Variants in KLHL14 observed in about 807,000 individuals in gnomAD.
KLHL14 encodes the protein kelch-like protein 14.
A neutral mutation model predicts 64.3 loss-of-function variants in KLHL14; 22 were observed. That is an observed-to-expected ratio of 0.34 (90% CI 0.24 to 0.49). The LOEUF (loss-of-function observed/expected upper bound fraction) is 0.49, where lower values mean the gene tolerates loss of function less well. Among genes scored for constraint, KLHL14 ranks in the 20% least tolerant of loss-of-function variants. KLHL14 has a pLI of 0.99. For synonymous variants in KLHL14, 322 were observed against 333.4 expected, an observed-to-expected ratio of 0.97 and a Z score of 0.37; for missense variants, 661 against 789.0, an observed-to-expected ratio of 0.84 and a Z score of 1.94.
At position 32,681,077 on chromosome 18, in the gene KLHL14, C is replaced by CT. The variant is rs139171317; in HGVS notation, c.1239-479dup. ...CATCAAAAATTTTCTTCAATTATCA[C>CT]TTTTTTTACCCTTAGTACTACTACT... is the stretch of plus-strand genomic sequence containing the variant. On this transcript the variant is annotated intron_variant, in intron 5 of 8. Coordinates refer to ENST00000359358, the MANE Select transcript of KLHL14 (RefSeq NM_020805.3). Among the ~76,000 whole-genome samples the CT allele has an allele frequency of 6.2e-3, 949 of 152,176 alleles. 11 individuals carry two copies. Among genetic ancestry groups the CT allele is most frequent in the African/African-American group, 0.021 (882 of 41,524 alleles).
chr18:32,722,227 A>G (rs1000255492), intron 3 of KLHL14, among the ~76,000 whole-genome samples: 1 of 152,204 alleles, frequency 6.6e-6, no homozygotes, highest in Non-Finnish European at 1.5e-5. Flanking sequence ...TGTCTCTATT[A>G]GCAGGGTGAG....
chr18:32,699,606 C>T (rs577097263), intron 3 of KLHL14, among the ~76,000 whole-genome samples: 14 of 152,252 alleles, frequency 9.2e-5, no homozygotes, highest in African/African-American at 3.1e-4. Flanking sequence ...CCCCAACTCA[C>T]GCTCTTATCC....
chr18:32,770,314 G>A lies in KLHL14; in HGVS notation c.278C>T (p.Ser93Leu). The A allele has an allele frequency of 6.3e-7, 1 of 1,586,558 alleles. No homozygotes were observed. Among genetic ancestry groups the A allele is most frequent in the Non-Finnish European group, 8.6e-7 (1 of 1,166,582 alleles). The change falls in exon 2 of 9, where the codon TCA becomes TTA. Residue 93 changes from serine (S) to leucine (L), a missense_variant. This residue lies in a region of KLHL14 where 331 missense variants were observed against 339.0 expected (regional missense o/e 0.98). Transcript: ENST00000359358. This position sits in a 1 kb window ranked among gnomAD's most constrained non-coding sequence, Gnocchi z 6.7. ...DQQQPPQQQP[S>L]QQQQPPPQEE... ...CTGCGGCGGCGGCTGCTGCTGCTGT[G>A]ACGGCTGCTGCTGCGGCGGCTGCTG...
chr18:32,696,720 C>T (rs2049938546), intron 3 of KLHL14, among the ~76,000 whole-genome samples: 1 of 152,174 alleles, frequency 6.6e-6, no homozygotes, highest in Non-Finnish European at 1.5e-5. Flanking sequence ...CTATCTCACG[C>T]CTGACTTATT....
intron 2 of KLHL14, among the ~76,000 whole-genome samples, chr18:32,760,333 C>G (rs537124166): frequency 2.9e-5 from 3 of 102,592 alleles, no homozygotes; most frequent in East Asian, 2.8e-4. Flanking sequence ...TGTGTACACA[C>G]AGACATACAC....
In KLHL14 at chr18:32,715,547, T is replaced by C. The variant is rs541926327; in HGVS notation, c.1070-19995A>G. Among the ~76,000 whole-genome samples the C allele has an allele frequency of 7.9e-4, 121 of 152,252 alleles. 1 individual carries two copies. Among genetic ancestry groups the C allele is most frequent in the African/African-American group, 2.8e-3 (116 of 41,564 alleles). On this transcript the variant is annotated intron_variant, in intron 3 of 8. Transcript: ENST00000359358. ...TAGCTTCAACCTATCCTTTACTTTA[T>C]TGAATTCACTTTTTTATATAATAAA...
At chr18:32,695,330 C>A (rs891180820) in intron 4 of KLHL14, 133 bp downstream of exon 4, 1 of 657,950 alleles carries the variant, frequency 1.5e-6, no homozygotes, top group South Asian at 1.8e-5. Context: ...TCAGCCCCAT[C>A]TCCTTACTAC....
Position 32,770,418 on chromosome 18 carries a change from G to A in KLHL14, c.174C>T (p.Phe58=). The A allele has an allele frequency of 1.9e-6, 3 of 1,608,186 alleles. No homozygotes were observed. Among genetic ancestry groups the A allele is most frequent in the Non-Finnish European group, 2.5e-6 (3 of 1,177,108 alleles). The change falls in exon 2 of 9, where the codon TTC becomes TTT. Residue 58 remains phenylalanine, a synonymous_variant. Transcript: ENST00000359358. The surrounding 1 kb of genome is among the most constrained non-coding windows in gnomAD (Gnocchi z 6.7). ...KAVLASCSQY[F]RSLFSSHPPL... Reference sequence around the variant, plus strand: ...GGGGGTGGCTGGAGAAGAGCGATCGGAAGTACTGCGAGCAGGAGGCCAGCA... The same window carrying A: ...GGGGGTGGCTGGAGAAGAGCGATCGAAAGTACTGCGAGCAGGAGGCCAGCA...
At chr18:32,707,129 G>A (rs774388133) in intron 3 of KLHL14, among the ~76,000 whole-genome samples, 2 of 152,206 alleles carry the variant, frequency 1.3e-5, no homozygotes, top group Non-Finnish European at 2.9e-5. Flanking sequence ...TATAGCCCAT[G>A]GGGCAGTAGG....
At chr18:32,696,665 C>CTTTTTTTTTTTTTTTTTTTTTT in intron 3 of KLHL14, among the ~76,000 whole-genome samples, 1 of 152,254 alleles carries the variant, frequency 6.6e-6, no homozygotes, top group Admixed American at 6.5e-5. Flanking sequence ...CCAACTCTTA[C>CTTTTTTTTTTTTTTTTTTTTTT]TTTGTGCTCC....
intron 2 of KLHL14, among the ~76,000 whole-genome samples, chr18:32,751,953 C>A (rs2050254809): frequency 6.6e-6 from 1 of 152,090 alleles, no homozygotes; most frequent in Admixed American, 6.5e-5. Flanking sequence ...ATGGTGAAAC[C>A]CCATCTCTAC....
intron 2 of KLHL14, among the ~76,000 whole-genome samples, chr18:32,750,238 G>A (rs1471895606): frequency 6.6e-6 from 1 of 152,048 alleles, no homozygotes; most frequent in African/African-American, 2.4e-5. Flanking sequence ...TAGCAAAATA[G>A]TTTTGGTTTT....
chr18:32,699,183 G>T (rs906981786), intron 3 of KLHL14, among the ~76,000 whole-genome samples: 1 of 152,076 alleles, frequency 6.6e-6, no homozygotes, highest in African/African-American at 2.4e-5. Context: ...TTTGTGGATG[G>T]GAAAAAGGAG....
chr18:32,735,234 T>G (rs2050159078), intron 3 of KLHL14, among the ~76,000 whole-genome samples: 1 of 152,140 alleles, frequency 6.6e-6, no homozygotes, highest in South Asian at 2.1e-4. Flanking sequence ...CGGCATCTTT[T>G]GGTGAGATGA....
intron 3 of KLHL14, among the ~76,000 whole-genome samples, chr18:32,708,638 C>T (rs946591257): frequency 2.6e-5 from 4 of 152,194 alleles, no homozygotes; most frequent in African/African-American, 9.7e-5. Flanking sequence ...CCCACCAAGC[C>T]AGGCTTGTAC....
intron 3 of KLHL14, among the ~76,000 whole-genome samples, chr18:32,722,882 G>A (rs953877589): frequency 2.6e-5 from 4 of 152,132 alleles, no homozygotes; most frequent in African/African-American, 9.7e-5. Context: ...TTGAGCCTAG[G>A]AGTTGGAGGC....
At chr18:32,703,089 G>T (rs1197629078) in intron 3 of KLHL14, among the ~76,000 whole-genome samples, 1 of 152,140 alleles carries the variant, frequency 6.6e-6, no homozygotes, top group Non-Finnish European at 1.5e-5. Flanking sequence ...ATGAAACAGT[G>T]TATTAAAAGG....
intron 2 of KLHL14, 148 bp downstream of exon 2, chr18:32,769,497 C>T (rs1292607951): frequency 1.4e-6 from 1 of 731,260 alleles, no homozygotes; most frequent in South Asian, 2.2e-5. Context: ...TTTCCTCACA[C>T]ACTCTGAATT....
intron 3 of KLHL14, among the ~76,000 whole-genome samples, chr18:32,710,859 C>T (rs190383832): frequency 6.6e-4 from 101 of 152,130 alleles, no homozygotes; most frequent in African/African-American, 2.1e-3. Context: ...CTGTTAGGCA[C>T]CTTTGGGTGC....
Sources: gnomAD v4.1 joint callset for allele counts (sites outside exome capture counted in the v4.1 genomes callset) on GRCh38, gnomAD v4.1.1 for gene constraint, gnomAD v4.1.1 regional missense constraint, Gnocchi (gnomAD v3.1) non-coding constraint, MANE v1.5 for transcripts, NCBI Gene and HGNC (gene_info 2026-07-23, HGNC 2026-07-21) for gene names.